TRPS1: variants seen among roughly 807,000 people sequenced by gnomAD.
TRPS1 encodes zinc finger transcription factor Trps1.
Under a neutral mutation model 101.2 loss-of-function variants are expected in TRPS1, and 6 were observed. That is an observed-to-expected ratio of 0.06 (90% CI 0.03 to 0.12). The LOEUF is 0.12. Ranked by LOEUF, TRPS1 falls within the 10% of genes least tolerant of loss-of-function variation. The probability of loss-of-function intolerance (pLI) is 1.00; values close to 1 mark genes in which losing one functional copy is unlikely to be tolerated. For missense variants in TRPS1, 1,363 were observed against 1,567.0 expected (o/e 0.87, Z 2.20); for synonymous variants, 578 against 589.8 (o/e 0.98, Z 0.29).
intron 5 of TRPS1, among the ~76,000 whole-genome samples, chr8:115,517,315 C>G (rs890865070): frequency 2.0e-5 from 3 of 151,584 alleles, no homozygotes; most frequent in Admixed American, 6.6e-5. Context: ...TAAATACACA[C>G]CTTCTCTGGA....
intron 5 of TRPS1, among the ~76,000 whole-genome samples, chr8:115,523,610 C>T (rs1041621539): frequency 6.6e-6 from 1 of 152,102 alleles, no homozygotes; most frequent in African/African-American, 2.4e-5. Flanking sequence ...TAAAAGACTG[C>T]TGATTAATCC....
chr8:115,513,293 C>T (rs1287540731), intron 5 of TRPS1, among the ~76,000 whole-genome samples: 2 of 151,624 alleles, frequency 1.3e-5, no homozygotes, highest in Non-Finnish European at 3.0e-5. Context: ...GGTGTTTCTT[C>T]TTGCACTATA....
chr8:115,463,568 T>C (rs1461566412), intron 5 of TRPS1, among the ~76,000 whole-genome samples: 3 of 151,988 alleles, frequency 2.0e-5, no homozygotes, highest in Admixed American at 1.3e-4. Context: ...ACTCAGTGAG[T>C]GTATGAAACC....
In TRPS1 at chr8:115,633,233, G is replaced by T. The variant is rs554086839; in HGVS notation, c.-121-9475C>A. Among the ~76,000 whole-genome samples, 3 of 152,190 alleles carry T rather than the reference G, an allele frequency of 2.0e-5. No homozygotes were observed. In the East Asian group the frequency reaches 5.8e-4, roughly 29 times the overall value. ...AAAAGAAAGCGTTCTGAACAAAAGG[G>T]ATTTCAAAGGGTGAGGGGTTTGAAA... On this transcript the variant is annotated intron_variant, in intron 1 of 6. Transcript: ENST00000395715.
intron 1 of TRPS1, chr8:115,668,112 TC>T: frequency 1.7e-6 from 1 of 601,574 alleles, no homozygotes; most frequent in Non-Finnish European, 2.9e-6. Flanking sequence ...TTTTTCCTCC[TC>T]CCCGGCGGCT....
chr8:115,525,115 A>C (rs1815964288), intron 5 of TRPS1, among the ~76,000 whole-genome samples: 1 of 152,132 alleles, frequency 6.6e-6, no homozygotes, highest in South Asian at 2.1e-4. Flanking sequence ...AACAAAAAAA[A>C]CTTTCAATTT....
chr8:115,517,035 C>T (rs917004565), intron 5 of TRPS1, among the ~76,000 whole-genome samples: 1 of 151,086 alleles, frequency 6.6e-6, no homozygotes, highest in Non-Finnish European at 1.5e-5. Context: ...TTGATATATA[C>T]ATTGCTAATG....
Position 115,412,370 on chromosome 8 carries a change from C to G in TRPS1, c.*1653G>C, listed in dbSNP as rs1812810887. The G allele has an allele frequency of 6.6e-6, 1 of 152,372 alleles. No homozygotes were observed. 9.4% of individuals were successfully genotyped at this position (152,372 alleles called of 1,614,324 possible). A position where few individuals can be genotyped will look rare whatever the true frequency, so the allele number is the denominator to read the frequency against. On this transcript the variant is annotated 3_prime_UTR_variant, in exon 7 of 7. Coordinates refer to ENST00000395715, the MANE Select transcript of TRPS1 (RefSeq NM_014112.5). ...ATATCTACTGCAATAGAAATAGTTGCTTCATTACCTTGTTTGCTACATTTG... is the reference window on the plus strand; with the variant it reads ...ATATCTACTGCAATAGAAATAGTTGGTTCATTACCTTGTTTGCTACATTTG...
chr8:115,620,783 T>G (rs1004256892), intron 2 of TRPS1, among the ~76,000 whole-genome samples: 4 of 152,222 alleles, frequency 2.6e-5, no homozygotes, highest in Admixed American at 2.6e-4. Flanking sequence ...AGACCTGCTA[T>G]GCATCACAGT....
chr8:115,659,986 A>G (rs1380140450), intron 1 of TRPS1, among the ~76,000 whole-genome samples: 1 of 151,992 alleles, frequency 6.6e-6, no homozygotes, highest in Non-Finnish European at 1.5e-5. Context: ...CTGCATGTAC[A>G]TGTACGCACT....
intron 4 of TRPS1, among the ~76,000 whole-genome samples, chr8:115,588,096 AT>A (rs545529742): frequency 2.7e-3 from 414 of 152,230 alleles, no homozygotes; most frequent in African/African-American, 9.6e-3. Context: ...TAAATTGAGG[AT>A]TTTTCCCCCT....
chr8:115,422,062 C>A (rs1813076061), intron 5 of TRPS1, among the ~76,000 whole-genome samples: 1 of 152,198 alleles, frequency 6.6e-6, no homozygotes, highest in Admixed American at 6.5e-5. Flanking sequence ...CTCTCCTTTG[C>A]AGTAAGCCTA....
At chr8:115,660,600 C>T (rs1811770514) in intron 1 of TRPS1, among the ~76,000 whole-genome samples, 1 of 151,334 alleles carries the variant, frequency 6.6e-6, no homozygotes, top group South Asian at 2.1e-4. Context: ...AACAAGAGAA[C>T]CATGCTCCCC....
intron 2 of TRPS1, 149 bp from the exon 3 acceptor site, chr8:115,620,209 C>A (rs1298901311): frequency 8.1e-6 from 6 of 745,166 alleles, no homozygotes; most frequent in Non-Finnish European, 1.1e-5. Context: ...ATTCTAAAAA[C>A]AGCAAAAAGT....
intron 5 of TRPS1, among the ~76,000 whole-genome samples, chr8:115,533,436 G>GT (rs1161916592): frequency 0.031 from 1,089 of 34,932 alleles, 194 homozygotes; most frequent in African/African-American, 0.06. Context: ...CATGTAATCT[G>GT]TTTTTTTTTT....
chr8:115,551,549 G>A (rs1816705427), intron 5 of TRPS1, among the ~76,000 whole-genome samples: 1 of 152,118 alleles, frequency 6.6e-6, no homozygotes, highest in South Asian at 2.1e-4. Flanking sequence ...TATCATCAAA[G>A]CTGGATAACT....
chr8:115,653,353 G>A (rs1289771223), intron 1 of TRPS1, among the ~76,000 whole-genome samples: 2 of 151,894 alleles, frequency 1.3e-5, no homozygotes, highest in East Asian at 3.9e-4. Flanking sequence ...AGGACAAGGA[G>A]GAAAAAAACA....
intron 5 of TRPS1, among the ~76,000 whole-genome samples, chr8:115,532,212 T>C (rs1207959037): frequency 6.6e-6 from 1 of 150,626 alleles, no homozygotes; most frequent in African/African-American, 2.4e-5. Context: ...GTCTACCTAA[T>C]CTAAGCAAGA....
rs1406592621 is a variant in TRPS1, at chr8:115,587,540, G to A, written c.2161C>T (p.Leu721=). Residue 721 remains leucine, a synonymous_variant, in exon 5 of 7, where the codon CTG becomes TTG. Transcript: ENST00000395715. ...CAGTGAACAGTGTTGAAGTGCTCCA[G>A]TAGTGACTGAGTATCGGCAGCTGTA... is the stretch of plus-strand genomic sequence containing the variant. ...SFTAADTQSL[L]EHFNTVHCQE... is the part of the protein sequence containing the mutation. 1 of 1,614,078 alleles carries A rather than the reference G, an allele frequency of 6.2e-7. No homozygotes were observed.
Sources: allele counts gnomAD v4.1 joint callset (sites outside exome capture counted in the v4.1 genomes callset), GRCh38; gene constraint gnomAD v4.1.1; transcripts MANE v1.5; gene names NCBI Gene and HGNC (gene_info 2026-07-23, HGNC 2026-07-21).